TAFA1: variants seen among roughly 807,000 people sequenced by gnomAD.
TAFA1 encodes the protein chemokine-like protein TAFA-1.
TAFA1 carries 4 observed loss-of-function variants against 18.5 expected under a neutral mutation model. The observed-to-expected ratio is 0.22, with a 90% CI of 0.11 to 0.49. The LOEUF is 0.49. TAFA1 is among the 20% of genes least tolerant of loss of function. The pLI is 0.98. For missense variants in TAFA1, 147 were observed against 169.0 expected, an observed-to-expected ratio of 0.87 and a Z score of 0.72; for synonymous variants, 56 against 55.2, an observed-to-expected ratio of 1.01 and a Z score of -0.06.
In TAFA1 at chr3:68,104,031, T is replaced by C. The variant is rs535548609; in HGVS notation, c.118+97287T>C. Among the ~76,000 whole-genome samples, 12 of 152,306 alleles carry C rather than the reference T, an allele frequency of 7.9e-5. No homozygotes were observed. In the South Asian group the frequency reaches 1.9e-3, roughly 24 times the overall value. On this transcript the variant is annotated intron_variant, in intron 2 of 4. Coordinates refer to ENST00000478136, the MANE Select transcript of TAFA1 (RefSeq NM_213609.4). ...CAGCCTGATTTACTGACTCATCCTT[T>C]ATGTGTCTCCAGTGCATCACAGGAA...
intron 3 of TAFA1, among the ~76,000 whole-genome samples, chr3:68,499,273 A>AG (rs2072611551): frequency 6.6e-6 from 1 of 151,588 alleles, no homozygotes; most frequent in African/African-American, 2.4e-5. Flanking sequence ...AGAAAAAAAA[A>AG]AGCTACTTAC....
intron 3 of TAFA1, among the ~76,000 whole-genome samples, chr3:68,431,463 A>G (rs548007137): frequency 6.6e-6 from 1 of 152,086 alleles, no homozygotes; most frequent in African/African-American, 2.4e-5. Context: ...CTTCATAACA[A>G]TGCATGAGAT....
At chr3:68,120,661 A>C (rs985365096) in intron 2 of TAFA1, among the ~76,000 whole-genome samples, 4 of 152,202 alleles carry the variant, frequency 2.6e-5, no homozygotes, top group Admixed American at 1.3e-4. Context: ...GGCCACATGA[A>C]GAGAAAGCAC....
chr3:68,013,533 G>A (rs902822545), intron 2 of TAFA1, among the ~76,000 whole-genome samples: 21 of 152,136 alleles, frequency 1.4e-4, no homozygotes, highest in Middle Eastern at 3.2e-3. Context: ...GACTATAGGA[G>A]TTGTCTTGAG....
At chr3:68,204,807 A>T (rs545423606) in intron 2 of TAFA1, among the ~76,000 whole-genome samples, 1 of 151,996 alleles carries the variant, frequency 6.6e-6, no homozygotes, top group African/African-American at 2.4e-5. Flanking sequence ...GCTCAAGGTC[A>T]TCCAGCGAGT....
chr3:68,335,555 C>A (rs1244802735), intron 2 of TAFA1, among the ~76,000 whole-genome samples: 2 of 152,046 alleles, frequency 1.3e-5, no homozygotes, highest in Non-Finnish European at 2.9e-5. Flanking sequence ...CCAGGCCATT[C>A]CAATGGTTTA....
chr3:68,451,209 C>T (rs1390106534), intron 3 of TAFA1, among the ~76,000 whole-genome samples: 1 of 152,206 alleles, frequency 6.6e-6, no homozygotes, highest in Non-Finnish European at 1.5e-5. Flanking sequence ...CCACCTCACT[C>T]ATGCAATATA....
intron 3 of TAFA1, among the ~76,000 whole-genome samples, chr3:68,472,982 G>C (rs2072028731): frequency 6.6e-6 from 1 of 152,156 alleles, no homozygotes; most frequent in Non-Finnish European, 1.5e-5. Context: ...TAAGGTGGGA[G>C]GAGTGAGGAA....
intron 2 of TAFA1, among the ~76,000 whole-genome samples, chr3:68,170,082 T>G (rs937790869): frequency 6.6e-6 from 1 of 152,184 alleles, no homozygotes. Flanking sequence ...AAGGAGCACT[T>G]ATTCAGAAAA....
intron 3 of TAFA1, among the ~76,000 whole-genome samples, chr3:68,462,069 G>T (rs2071793434): frequency 6.6e-6 from 1 of 152,036 alleles, no homozygotes; most frequent in Admixed American, 6.6e-5. Flanking sequence ...AAAATTCTCA[G>T]TACAATGGCA....
intron 3 of TAFA1, among the ~76,000 whole-genome samples, chr3:68,521,089 A>G (rs927743224): frequency 6.6e-6 from 1 of 152,176 alleles, no homozygotes; most frequent in African/African-American, 2.4e-5. Flanking sequence ...CCTTGCAGCA[A>G]TTTTCCTGAA....
intron 2 of TAFA1, among the ~76,000 whole-genome samples, chr3:68,185,256 G>A (rs986348237): frequency 9.2e-5 from 14 of 152,188 alleles, no homozygotes; most frequent in African/African-American, 3.4e-4. Context: ...AAAGAGAAGG[G>A]AAAGGACGTT....
chr3:68,132,756 T>C (rs770321058), intron 2 of TAFA1, among the ~76,000 whole-genome samples: 5 of 152,148 alleles, frequency 3.3e-5, no homozygotes, highest in African/African-American at 4.8e-5. Flanking sequence ...GTTTAAGTTC[T>C]TTGTAGATTC....
At chr3:68,472,077 G>A (rs983677719) in intron 3 of TAFA1, among the ~76,000 whole-genome samples, 1 of 152,062 alleles carries the variant, frequency 6.6e-6, no homozygotes, top group African/African-American at 2.4e-5. Flanking sequence ...ATGAGATTTG[G>A]GGGGGACCAG....
rs560274925 is a variant in TAFA1 at position 68,025,361 on chromosome 3, A to C, written c.118+18617A>C. The stretch of plus-strand genomic sequence containing the variant: ...CCGAGCCACAACTTCCTCTACGTGG[A>C]TTATAGGGGAAGCCTAGGGTGGTCT... On this transcript the variant is annotated intron_variant, in intron 2 of 4. Coordinates refer to ENST00000478136, the MANE Select transcript of TAFA1 (RefSeq NM_213609.4). Among the ~76,000 whole-genome samples, 6 of 152,232 alleles carry C rather than the reference A, an allele frequency of 3.9e-5. No homozygotes were observed. In the East Asian group the frequency reaches 1.2e-3, roughly 29 times the overall value.
intron 2 of TAFA1, among the ~76,000 whole-genome samples, chr3:68,298,148 C>A (rs1234649843): frequency 6.6e-6 from 1 of 152,178 alleles, no homozygotes; most frequent in African/African-American, 2.4e-5. Context: ...TGAGCCTGTG[C>A]CCTCAGTCCC....
At chr3:68,477,245 T>C (rs1588430) in intron 3 of TAFA1, among the ~76,000 whole-genome samples, 64,696 of 151,986 alleles carry the variant, frequency 0.43, 14,310 homozygotes, top group Middle Eastern at 0.48. Flanking sequence ...TTGCATATAA[T>C]AGTTATTTCT....
At chr3:68,386,426 T>C (rs1279075597) in intron 2 of TAFA1, among the ~76,000 whole-genome samples, 5 of 152,170 alleles carry the variant, frequency 3.3e-5, no homozygotes, top group Non-Finnish European at 7.4e-5. Context: ...TTGTCTCTAG[T>C]ATCCTATGTA....
chr3:68,457,193 T>C (rs2106911971), intron 3 of TAFA1, among the ~76,000 whole-genome samples: 1 of 152,338 alleles, frequency 6.6e-6, no homozygotes, highest in East Asian at 1.9e-4. Context: ...TACAGTTAAT[T>C]TTATGCAGTT....
Sources: allele counts gnomAD v4.1 joint callset (sites outside exome capture counted in the v4.1 genomes callset), GRCh38; gene constraint gnomAD v4.1.1; transcripts MANE v1.5; gene names NCBI Gene and HGNC (gene_info 2026-07-23, HGNC 2026-07-21).